Variants in MLXIP observed in about 807,000 individuals in gnomAD.
The protein encoded by MLXIP is MLX interacting protein.
A neutral mutation model predicts 87.2 loss-of-function variants in MLXIP; 30 were observed. The ratio of observed to expected loss-of-function variants is 0.34; its 90% CI spans 0.26 to 0.47. The LOEUF (loss-of-function observed/expected upper bound fraction) is 0.47. Among genes scored for constraint, MLXIP ranks in the 20% least tolerant of loss-of-function variants. The pLI, the probability that MLXIP is intolerant of heterozygous loss-of-function variation, is 1.00. For missense variants in MLXIP, 1,002 were observed against 1,240.1 expected, an observed-to-expected ratio of 0.81 and a Z score of 2.88; for synonymous variants, 530 against 514.0, an observed-to-expected ratio of 1.03 and a Z score of -0.42.
intron 1 of MLXIP, among the ~76,000 whole-genome samples, chr12:122,107,406 C>A (rs966712952): frequency 3.9e-5 from 6 of 152,140 alleles, no homozygotes; most frequent in African/African-American, 9.7e-5. Flanking sequence ...CACAGTCGTT[C>A]CCCCTCTTCC....
At chr12:122,080,967 G>A (rs1002525433) in intron 1 of MLXIP, among the ~76,000 whole-genome samples, 1 of 152,126 alleles carries the variant, frequency 6.6e-6, no homozygotes, top group Non-Finnish European at 1.5e-5. Context: ...GGCATGGACT[G>A]GAAAGGTCTC....
At chr12:122,092,984 G>A (rs1370494938) in intron 1 of MLXIP, among the ~76,000 whole-genome samples, 2 of 149,372 alleles carry the variant, frequency 1.3e-5, no homozygotes, top group Non-Finnish European at 1.5e-5. Context: ...GTATGTATGT[G>A]TTGTGTGTGT....
intron 1 of MLXIP, among the ~76,000 whole-genome samples, chr12:122,115,159 T>C (rs903718688): frequency 8.5e-5 from 13 of 152,202 alleles, no homozygotes; most frequent in Non-Finnish European, 1.3e-4. Context: ...TCCTTTTTGT[T>C]TGAATTTTCT....
At chr12:122,127,856 G>A (rs759008590) in intron 2 of MLXIP, 27 bp from the exon 3 acceptor site, 4 of 1,604,188 alleles carry the variant, frequency 2.5e-6, no homozygotes, top group Non-Finnish European at 2.6e-6. Flanking sequence ...GGATCATGGT[G>A]CTGACTCTCA....
At chr12:122,092,048 A>AT (rs901633019) in intron 1 of MLXIP, among the ~76,000 whole-genome samples, 1 of 150,992 alleles carries the variant, frequency 6.6e-6, no homozygotes, top group Non-Finnish European at 1.5e-5. Context: ...CACAAGAAAT[A>AT]TTTTTTTTCC....
intron 1 of MLXIP, among the ~76,000 whole-genome samples, chr12:122,094,089 T>G (rs1952300670): frequency 6.9e-6 from 1 of 144,974 alleles, no homozygotes; most frequent in African/African-American, 2.6e-5. Context: ...TGTGTTGGTG[T>G]GTGTGGTGGT....
At chr12:122,120,673 A>G (rs1030801152) in intron 1 of MLXIP, among the ~76,000 whole-genome samples, 2 of 152,186 alleles carry the variant, frequency 1.3e-5, no homozygotes, top group Non-Finnish European at 2.9e-5. Context: ...GACCAAGCTG[A>G]GGATATGGCT....
intron 1 of MLXIP, among the ~76,000 whole-genome samples, chr12:122,110,028 T>C (rs1266183956): frequency 1.3e-5 from 2 of 152,210 alleles, no homozygotes; most frequent in Admixed American, 6.5e-5. Context: ...CTCTCATTTT[T>C]ATTCTTTAGG....
intron 1 of MLXIP, among the ~76,000 whole-genome samples, chr12:122,124,502 A>G (rs907602564): frequency 4.2e-5 from 6 of 143,488 alleles, no homozygotes; most frequent in African/African-American, 1.6e-4. Context: ...GCAGCTACGC[A>G]ATCCCACCCT....
chr12:122,125,771 G>A (rs929448318), intron 1 of MLXIP, among the ~76,000 whole-genome samples: 2 of 152,266 alleles, frequency 1.3e-5, no homozygotes, highest in South Asian at 2.1e-4. Context: ...CTGAGAGGAT[G>A]CACTGTGACA....
At position 122,137,330 on chromosome 12, in the gene MLXIP, A is replaced by C. The variant is rs1953110535; in HGVS notation, c.2033-139A>C. The stretch of plus-strand genomic sequence containing the variant: ...GTGAATAAGAATAATCTAAGGAAGC[A>C]TGTGTGTGCAGTTGAAAGAACCAAG... On this transcript the variant is annotated intron_variant, in intron 11 of 16. Coordinates refer to ENST00000319080, the MANE Select transcript of MLXIP (RefSeq NM_014938.6). This position sits in a 1 kb window ranked among gnomAD's most constrained non-coding sequence, Gnocchi z 4.1. The C allele has an allele frequency of 1.3e-6, 1 of 795,988 alleles. No individual in the cohort carries two copies. Among genetic ancestry groups the C allele is most frequent in the South Asian group, 2.2e-5 (1 of 46,480 alleles). The allele number at this position is 795,988 out of a possible 1,614,324, so 49.3% of individuals were successfully genotyped here. A position where few individuals can be genotyped will look rare whatever the true frequency, so the allele number is the denominator to read the frequency against.
At position 122,140,949 on chromosome 12, in the gene MLXIP, T is replaced by G. The variant is rs369898879; in HGVS notation, c.2509-5T>G. 1.9e-6 allele frequency: 3 copies of G among 1,613,976 alleles called. No individual in the cohort carries two copies. The Admixed American group carries it at 5.0e-5, about 27-fold the overall frequency. ...GCTTGCCTTTTCTTTAACCACACACTGCAGTTCAGCATCATCATCAAGCCG... is the reference window on the plus strand; with the variant it reads ...GCTTGCCTTTTCTTTAACCACACACGGCAGTTCAGCATCATCATCAAGCCG... On this transcript the variant is annotated splice_polypyrimidine_tract_variant and splice_region_variant and intron_variant, in intron 15 of 16. Coordinates refer to ENST00000319080, the MANE Select transcript of MLXIP (RefSeq NM_014938.6).
intron 1 of MLXIP, among the ~76,000 whole-genome samples, chr12:122,119,556 T>C (rs1363448230): frequency 2.6e-5 from 4 of 152,124 alleles, no homozygotes; most frequent in Non-Finnish European, 4.4e-5. Context: ...CACACCCGGC[T>C]AATTTTTTGT....
At chr12:122,116,756 G>A (rs1179090557) in intron 1 of MLXIP, among the ~76,000 whole-genome samples, 1 of 152,226 alleles carries the variant, frequency 6.6e-6, no homozygotes, top group East Asian at 1.9e-4. Context: ...GCTGGGCCCA[G>A]GCCCTCATAT....
chr12:122,114,669 C>G (rs1183514742), intron 1 of MLXIP, among the ~76,000 whole-genome samples: 1 of 151,848 alleles, frequency 6.6e-6, no homozygotes, highest in Admixed American at 6.6e-5. Context: ...TTTCTAATTC[C>G]AGGGGCCTAG....
chr12:122,080,639 C>G (rs556159645), intron 1 of MLXIP, among the ~76,000 whole-genome samples: 1 of 152,176 alleles, frequency 6.6e-6, no homozygotes, highest in Admixed American at 6.6e-5. Flanking sequence ...CCCCCTTACC[C>G]GGCACATTGG....
At chr12:122,140,721 C>T (rs1394416764) in intron 15 of MLXIP, 1 of 632,174 alleles carries the variant, frequency 1.6e-6, no homozygotes, top group Non-Finnish European at 2.9e-6. Flanking sequence ...TGTCCCCTGC[C>T]TGCTCGGTGC....
chr12:122,119,794 T>G (rs974758469), intron 1 of MLXIP, among the ~76,000 whole-genome samples: 2 of 152,224 alleles, frequency 1.3e-5, no homozygotes, highest in African/African-American at 4.8e-5. Context: ...CTTCACGTCT[T>G]TGTGCCCATG....
intron 1 of MLXIP, among the ~76,000 whole-genome samples, chr12:122,113,308 AGAGTACAGT>A (rs1388622277): frequency 6.6e-6 from 1 of 152,124 alleles, no homozygotes; most frequent in Non-Finnish European, 1.5e-5. Flanking sequence ...CACGCAGGCT[AGAGTACAGT>A]GGTGAGTTCA....
Sources: allele counts gnomAD v4.1 joint callset (sites outside exome capture counted in the v4.1 genomes callset), GRCh38; gene constraint gnomAD v4.1.1; non-coding constraint Gnocchi (gnomAD v3.1); transcripts MANE v1.5; gene names NCBI Gene and HGNC (gene_info 2026-07-23, HGNC 2026-07-21).